Variants in SKAP2 observed in about 807,000 individuals in gnomAD.
SKAP2 encodes src kinase associated phosphoprotein 2.
In SKAP2, 28 loss-of-function variants were observed where a neutral mutation model predicts 54.9. The ratio of observed to expected loss-of-function variants is 0.51; its 90% CI spans 0.38 to 0.70. The LOEUF is 0.70. SKAP2 is among the 30% of genes least tolerant of loss of function. The pLI, the probability that SKAP2 is intolerant of heterozygous loss-of-function variation, is 0.00. For missense variants in SKAP2, 356 were observed against 424.1 expected, an observed-to-expected ratio of 0.84 and a Z score of 1.41; for synonymous variants, 137 against 134.3, an observed-to-expected ratio of 1.02 and a Z score of -0.14.
At chr7:26,687,775 C>T (rs1786680025) in intron 10 of SKAP2, among the ~76,000 whole-genome samples, 1 of 152,100 alleles carries the variant, frequency 6.6e-6, no homozygotes, top group African/African-American at 2.4e-5. Flanking sequence ...CCCCTAAACA[C>T]TGAAAAATAA....
intron 6 of SKAP2, among the ~76,000 whole-genome samples, chr7:26,738,428 T>C (rs564578668): frequency 4.6e-5 from 7 of 152,344 alleles, no homozygotes; most frequent in African/African-American, 1.7e-4. Context: ...TTTTAAAATA[T>C]TTAAGAAAAA....
intron 4 of SKAP2, among the ~76,000 whole-genome samples, chr7:26,826,819 T>C (rs1784501132): frequency 6.6e-6 from 1 of 152,178 alleles, no homozygotes; most frequent in African/African-American, 2.4e-5. Context: ...AAGTCTAAAA[T>C]AGCTAAAAGT....
chr7:26,804,182 G>A (rs1053871926), intron 4 of SKAP2, among the ~76,000 whole-genome samples: 1 of 152,072 alleles, frequency 6.6e-6, no homozygotes, highest in East Asian at 1.9e-4. Flanking sequence ...TCCATGATGT[G>A]CCTATGTCAC....
chr7:26,809,804 C>A (rs1265748818), intron 4 of SKAP2, among the ~76,000 whole-genome samples: 1 of 152,310 alleles, frequency 6.6e-6, no homozygotes, highest in Non-Finnish European at 1.5e-5. Context: ...TATCTGCACT[C>A]CCATCTTCAC....
At chr7:26,774,162 A>C (rs1199337910) in intron 4 of SKAP2, among the ~76,000 whole-genome samples, 2 of 152,034 alleles carry the variant, frequency 1.3e-5, no homozygotes, top group African/African-American at 4.8e-5. Flanking sequence ...AAATTACAAA[A>C]ATTAGCTGGT....
At chr7:26,720,366 T>C (rs1328560361) in intron 9 of SKAP2, among the ~76,000 whole-genome samples, 1 of 152,210 alleles carries the variant, frequency 6.6e-6, no homozygotes, top group Non-Finnish European at 1.5e-5. Flanking sequence ...CAAAGCTTCA[T>C]ACTATATTAT....
At position 26,815,000 on chromosome 7, in the gene SKAP2, C is replaced by G. The variant is rs192017699; in HGVS notation, c.307+29030G>C. ...GCTATTCTTTTTAATTACTGAAACT[C>G]AGAACTACCTTTCAAAATTACTCTT... On this transcript the variant is annotated intron_variant, in intron 4 of 12. Transcript: ENST00000345317. Among the ~76,000 whole-genome samples, 269 of 152,094 alleles carry G rather than the reference C, an allele frequency of 1.8e-3. 1 individual carries two copies. Among genetic ancestry groups the G allele is most frequent in the African/African-American group, 6.2e-3 (258 of 41,538 alleles).
chr7:26,673,225 G>C (rs1786279402), intron 11 of SKAP2, among the ~76,000 whole-genome samples: 1 of 152,066 alleles, frequency 6.6e-6, no homozygotes, highest in South Asian at 2.1e-4. Context: ...TCAGGTACAA[G>C]GAGGTCTGCC....
At chr7:26,786,717 T>C (rs1266278620) in intron 4 of SKAP2, among the ~76,000 whole-genome samples, 1 of 152,252 alleles carries the variant, frequency 6.6e-6, no homozygotes, top group African/African-American at 2.4e-5. Context: ...GCTCTTTTAG[T>C]ATGCAAATTA....
intron 4 of SKAP2, among the ~76,000 whole-genome samples, chr7:26,821,986 A>T (rs1384513751): frequency 6.6e-6 from 1 of 152,194 alleles, no homozygotes; most frequent in African/African-American, 2.4e-5. Context: ...ATACATTAGC[A>T]TTTGTCAGAT....
intron 4 of SKAP2, among the ~76,000 whole-genome samples, chr7:26,784,887 T>G (rs140339806): frequency 1.9e-3 from 285 of 152,232 alleles, no homozygotes; most frequent in African/African-American, 6.6e-3. Flanking sequence ...CAAAAAACTG[T>G]AAATAAGAAT....
intron 4 of SKAP2, among the ~76,000 whole-genome samples, chr7:26,800,571 T>A (rs1364917913): frequency 6.6e-6 from 1 of 152,154 alleles, no homozygotes. Flanking sequence ...AAAAGTTGGT[T>A]TTTTGAAATG....
chr7:26,806,004 T>C (rs1784017250), intron 4 of SKAP2, among the ~76,000 whole-genome samples: 1 of 152,198 alleles, frequency 6.6e-6, no homozygotes, highest in Non-Finnish European at 1.5e-5. Context: ...TTTTTCATTA[T>C]TATTATATCT....
At chr7:26,755,900 A>G (rs1782780151) in intron 4 of SKAP2, among the ~76,000 whole-genome samples, 1 of 152,170 alleles carries the variant, frequency 6.6e-6, no homozygotes, top group South Asian at 2.1e-4. Flanking sequence ...ATTTGACAAT[A>G]CCCTGATAAT....
chr7:26,749,592 G>T (rs1782635580), intron 4 of SKAP2, among the ~76,000 whole-genome samples: 1 of 151,710 alleles, frequency 6.6e-6, no homozygotes. Context: ...TATAAAAAAT[G>T]TATTAATTAC....
intron 4 of SKAP2, among the ~76,000 whole-genome samples, chr7:26,802,785 G>A (rs1422004580): frequency 6.6e-6 from 1 of 152,020 alleles, no homozygotes; most frequent in Non-Finnish European, 1.5e-5. Flanking sequence ...GGAGGGTGAG[G>A]CAGGAGAATC....
intron 4 of SKAP2, among the ~76,000 whole-genome samples, chr7:26,760,958 A>T (rs891159511): frequency 1.3e-5 from 2 of 152,256 alleles, no homozygotes; most frequent in South Asian, 2.1e-4. Context: ...GAACTACTGG[A>T]AACTGTTCAC....
At chr7:26,671,775 C>CA (rs1261195318) in intron 11 of SKAP2, among the ~76,000 whole-genome samples, 1 of 151,906 alleles carries the variant, frequency 6.6e-6, no homozygotes. Flanking sequence ...GCCCAGAACC[C>CA]AATGATGGCT....
At chr7:26,690,969 T>C (rs1457921959) in intron 9 of SKAP2, among the ~76,000 whole-genome samples, 1 of 152,192 alleles carries the variant, frequency 6.6e-6, no homozygotes, top group Non-Finnish European at 1.5e-5. Context: ...TCCTTTGAGG[T>C]AATTCCCCCA....
Sources: gnomAD v4.1 joint callset for allele counts (sites outside exome capture counted in the v4.1 genomes callset) on GRCh38, gnomAD v4.1.1 for gene constraint, MANE v1.5 for transcripts, NCBI Gene and HGNC (gene_info 2026-07-23, HGNC 2026-07-21) for gene names.